The following EFNA5 variants were observed in gnomAD, a reference collection of about 807,000 sequenced individuals.
EFNA5 encodes the protein ephrin A5.
In EFNA5, 5 loss-of-function variants were observed where a neutral mutation model predicts 22.9. That is an observed-to-expected ratio of 0.22 (90% CI 0.11 to 0.46). The LOEUF (loss-of-function observed/expected upper bound fraction) is 0.46. Among genes scored for constraint, EFNA5 ranks in the 20% least tolerant of loss-of-function variants. The pLI is 0.99. For missense variants in EFNA5, 237 were observed against 293.3 expected, an observed-to-expected ratio of 0.81 and a Z score of 1.40; for synonymous variants, 113 against 112.2, an observed-to-expected ratio of 1.01 and a Z score of -0.04.
At chr5:107,425,838 G>A (rs1223518590) in intron 2 of EFNA5, among the ~76,000 whole-genome samples, 1 of 152,182 alleles carries the variant, frequency 6.6e-6, no homozygotes, top group Non-Finnish European at 1.5e-5. Flanking sequence ...CTTAAACCGT[G>A]TAAGTTGTGA....
intron 1 of EFNA5, among the ~76,000 whole-genome samples, chr5:107,630,279 A>G (rs962401287): frequency 6.6e-6 from 1 of 152,142 alleles, no homozygotes; most frequent in Admixed American, 6.5e-5. Flanking sequence ...TCATTAGGTG[A>G]TTTTACCACT....
intron 1 of EFNA5, among the ~76,000 whole-genome samples, chr5:107,533,960 G>A (rs986275323): frequency 1.3e-5 from 2 of 152,074 alleles, no homozygotes; most frequent in Admixed American, 6.6e-5. Context: ...ATTTCTATTC[G>A]GAAAGCTTTC....
chr5:107,380,837 C>G lies in EFNA5; in HGVS notation c.*418G>C. ...TAAATATTGCATAGGAGAGCAAAAC[C>G]CTCCCAGCCCTAGCCAGCGCTGGCT... is the stretch of plus-strand genomic sequence containing the variant. On this transcript the variant is annotated 3_prime_UTR_variant, in exon 5 of 5. Transcript: ENST00000333274. 1 of 408,490 alleles carries G rather than the reference C, an allele frequency of 2.4e-6. No individual in the cohort carries two copies. Among genetic ancestry groups the G allele is most frequent in the South Asian group, 1.1e-4 (1 of 8,822 alleles). The allele number at this position is 408,490 out of a possible 1,614,324, so 25.3% of individuals were successfully genotyped here.
At chr5:107,468,375 G>A (rs1043385376) in intron 1 of EFNA5, among the ~76,000 whole-genome samples, 2 of 152,142 alleles carry the variant, frequency 1.3e-5, no homozygotes, top group Non-Finnish European at 1.5e-5. Context: ...GGAAGGGAAG[G>A]GTGTTTATAA....
intron 1 of EFNA5, among the ~76,000 whole-genome samples, chr5:107,433,151 C>G (rs1749008956): frequency 6.6e-6 from 1 of 152,134 alleles, no homozygotes; most frequent in Non-Finnish European, 1.5e-5. Flanking sequence ...GGATTTTCAA[C>G]TACATGCAGG....
rs186357236 is a variant in EFNA5, at chr5:107,444,869, A to T, written c.126-17360T>A. Reference sequence around the variant, plus strand: ...CAAAGAATGCTTGATTTCCTGCTTCATTGGGAATATATATACATATTAATT... The same window carrying T: ...CAAAGAATGCTTGATTTCCTGCTTCTTTGGGAATATATATACATATTAATT... On this transcript the variant is annotated intron_variant, in intron 1 of 4. Transcript: ENST00000333274. Among the ~76,000 whole-genome samples, 426 of 152,286 alleles carry T rather than the reference A, an allele frequency of 2.8e-3. 3 individuals carry two copies. The highest frequency in any genetic ancestry group is 9.8e-3 in the African/African-American group (409 of 41,556).
At chr5:107,398,087 G>T (rs1314762820) in intron 2 of EFNA5, among the ~76,000 whole-genome samples, 2 of 152,140 alleles carry the variant, frequency 1.3e-5, no homozygotes, top group Non-Finnish European at 2.9e-5. Flanking sequence ...AGGCTGGAAT[G>T]CAGGGGTGCA....
rs73197062 is a variant in EFNA5 at position 107,498,313 on chromosome 5, C to A, written c.126-70804G>T. ...AATATGACACAACCTTTTTTCATAGCTCATACACGTATATTTATTTCATTC... is the reference window on the plus strand; with the variant it reads ...AATATGACACAACCTTTTTTCATAGATCATACACGTATATTTATTTCATTC... On this transcript the variant is annotated intron_variant, in intron 1 of 4. Coordinates refer to ENST00000333274, the MANE Select transcript of EFNA5 (RefSeq NM_001962.3). Among the ~76,000 whole-genome samples, 699 of 152,298 alleles carry A rather than the reference C, an allele frequency of 4.6e-3. 2 individuals are homozygous for A. The highest frequency in any genetic ancestry group is 0.016 in the African/African-American group (672 of 41,546).
intron 1 of EFNA5, among the ~76,000 whole-genome samples, chr5:107,654,366 A>G (rs1244355527): frequency 6.6e-6 from 1 of 152,150 alleles, no homozygotes; most frequent in Non-Finnish European, 1.5e-5. Context: ...TTAAAGGTCA[A>G]TTGCCATAGA....
intron 1 of EFNA5, among the ~76,000 whole-genome samples, chr5:107,666,442 CA>C (rs1751068699): frequency 6.6e-6 from 1 of 151,992 alleles, no homozygotes; most frequent in Non-Finnish European, 1.5e-5. Flanking sequence ...TACGTGTTAA[CA>C]AAACTAAAAG....
At chr5:107,569,569 A>ATG (rs1215608884) in intron 1 of EFNA5, among the ~76,000 whole-genome samples, 3 of 21,756 alleles carry the variant, frequency 1.4e-4, no homozygotes, top group Non-Finnish European at 2.8e-4. Context: ...TTATATATAT[A>ATG]TATATATATA....
At chr5:107,475,792 T>A (rs1310765345) in intron 1 of EFNA5, among the ~76,000 whole-genome samples, 1 of 151,610 alleles carries the variant, frequency 6.6e-6, no homozygotes, top group Non-Finnish European at 1.5e-5. Context: ...GCCCTTTGTG[T>A]TGTTCTACCT....
chr5:107,389,034 A>G (rs1747715637), intron 2 of EFNA5, among the ~76,000 whole-genome samples: 1 of 152,158 alleles, frequency 6.6e-6, no homozygotes, highest in African/African-American at 2.4e-5. Context: ...TTCACCAACT[A>G]AATAATGTCA....
At chr5:107,517,546 A>T (rs1232943212) in intron 1 of EFNA5, among the ~76,000 whole-genome samples, 2 of 152,214 alleles carry the variant, frequency 1.3e-5, no homozygotes, top group Non-Finnish European at 2.9e-5. Context: ...GCTCACTATC[A>T]TTATTATCCT....
chr5:107,665,349 T>C (rs1751044480), intron 1 of EFNA5, among the ~76,000 whole-genome samples: 4 of 152,200 alleles, frequency 2.6e-5, no homozygotes, highest in African/African-American at 9.6e-5. Flanking sequence ...CAAGATTAAA[T>C]GGCAAGAAAT....
At chr5:107,484,986 A>G (rs1746556516) in intron 1 of EFNA5, among the ~76,000 whole-genome samples, 1 of 152,054 alleles carries the variant, frequency 6.6e-6, no homozygotes, top group Admixed American at 6.5e-5. Context: ...AAATGAAAAA[A>G]CAAAGCAGAT....
chr5:107,494,621 C>T (rs1036326130), intron 1 of EFNA5, among the ~76,000 whole-genome samples: 2 of 152,218 alleles, frequency 1.3e-5, no homozygotes, highest in Non-Finnish European at 2.9e-5. Context: ...CATCTGCAGC[C>T]CCGTTGGGGG....
rs148340901 is a variant in EFNA5, at chr5:107,650,202, G to C, written c.125+20287C>G. Among the ~76,000 whole-genome samples the C allele has an allele frequency of 2.4e-3, 371 of 152,318 alleles. 1 individual carries two copies. Among genetic ancestry groups the C allele is most frequent in the Middle Eastern group, 0.01 (3 of 294 alleles). On this transcript the variant is annotated intron_variant, in intron 1 of 4. Transcript: ENST00000333274. ...GGTACAAACAGCTATGCTAAGGAATGAATTGCCTAATGTTTGCAGACACGC... is the reference window on the plus strand; with the variant it reads ...GGTACAAACAGCTATGCTAAGGAATCAATTGCCTAATGTTTGCAGACACGC...
At chr5:107,604,249 G>C (rs910362662) in intron 1 of EFNA5, among the ~76,000 whole-genome samples, 1 of 151,902 alleles carries the variant, frequency 6.6e-6, no homozygotes, top group Admixed American at 6.6e-5. Context: ...GGTGTATCAC[G>C]GCTCACTGCC....
Sources: gnomAD v4.1 joint callset for allele counts (sites outside exome capture counted in the v4.1 genomes callset) on GRCh38, gnomAD v4.1.1 for gene constraint, MANE v1.5 for transcripts, NCBI Gene and HGNC (gene_info 2026-07-23, HGNC 2026-07-21) for gene names.